The following PRICKLE1 variants were observed in gnomAD, a reference collection of about 807,000 sequenced individuals.
The protein encoded by PRICKLE1 is prickle planar cell polarity protein 1, also known as prickle-like protein 1.
In PRICKLE1, 14 loss-of-function variants were observed where a neutral mutation model predicts 70.2. The observed-to-expected ratio is 0.20, with a 90% CI of 0.13 to 0.31. PRICKLE1 has a LOEUF of 0.31. PRICKLE1 is among the 10% of genes least tolerant of loss of function. The pLI is 1.00. For synonymous variants in PRICKLE1, 357 were observed against 379.9 expected, an observed-to-expected ratio of 0.94 and a Z score of 0.70; for missense variants, 821 against 1,026.2, an observed-to-expected ratio of 0.80 and a Z score of 2.73.
intron 1 of PRICKLE1, among the ~76,000 whole-genome samples, chr12:42,561,128 A>G (rs1195405198): frequency 1.3e-5 from 2 of 152,192 alleles, no homozygotes; most frequent in African/African-American, 4.8e-5. Flanking sequence ...ACACCCTTCA[A>G]ATGTCTACCA....
chr12:42,460,382 C>T lies in PRICKLE1; in HGVS notation c.1923G>A (p.Gly641=). The stretch of plus-strand genomic sequence containing the variant: ...GCTGCCGGATTTCAATGTCATAGTT[C>T]CCATTGTCAATGACATCATCAGAAA... ...VKFSDDVIDN[G]NYDIEIRQPP... The change falls in exon 8 of 8, where the codon GGG becomes GGA. Residue 641 remains glycine (G), a synonymous_variant. Coordinates refer to ENST00000345127, the MANE Select transcript of PRICKLE1 (RefSeq NM_153026.3). 6.2e-7 allele frequency: 1 copy of T among 1,614,040 alleles called. No individual in the cohort carries two copies. The highest frequency in any genetic ancestry group is 8.5e-7 in the Non-Finnish European group (1 of 1,179,966).
intron 1 of PRICKLE1, among the ~76,000 whole-genome samples, chr12:42,493,250 T>A (rs1939136188): frequency 6.6e-6 from 1 of 152,166 alleles, no homozygotes; most frequent in Non-Finnish European, 1.5e-5. Flanking sequence ...AAAGGATAAA[T>A]GCTTGAGGTG....
chr12:42,514,934 T>TATC (rs1334140831), intron 1 of PRICKLE1, among the ~76,000 whole-genome samples: 40 of 145,106 alleles, frequency 2.8e-4, no homozygotes, highest in Middle Eastern at 3.5e-3. Flanking sequence ...TCTATCTATC[T>TATC]ATCTATATTT....
Position 42,461,830 on chromosome 12 carries a change from G to C in PRICKLE1, c.1640-1165C>G, listed in dbSNP as rs546999382. ...TTATTTTTTTTTGAGATGGAGTCTC[G>C]CTCTGTCGCCCAGGCTGGAGTGCAG... On this transcript the variant is annotated intron_variant, in intron 7 of 7. Coordinates refer to ENST00000345127, the MANE Select transcript of PRICKLE1 (RefSeq NM_153026.3). Among the ~76,000 whole-genome samples, 28 of 152,124 alleles carry C rather than the reference G, an allele frequency of 1.8e-4. No individual in the cohort carries two copies. In the South Asian group the frequency reaches 2.1e-3, roughly 11 times the overall value.
At position 42,477,390 on chromosome 12, in the gene PRICKLE1, A is replaced by T. The variant is rs199775842; in HGVS notation, c.-48-4826T>A. On this transcript the variant is annotated intron_variant, in intron 1 of 7. Transcript: ENST00000345127. ...TCTGTCTCAAAACAAAACAAAACAAAATATATATATATACACATATTATAT... is the reference window on the plus strand; with the variant it reads ...TCTGTCTCAAAACAAAACAAAACAATATATATATATATACACATATTATAT... Among the ~76,000 whole-genome samples the T allele has an allele frequency of 2.1e-5, 3 of 145,266 alleles. No individual in the cohort carries two copies. The Admixed American group carries it at 2.1e-4, about 10-fold the overall frequency.
chr12:42,490,103 A>G (rs1212341147), intron 1 of PRICKLE1: 2 of 152,246 alleles, frequency 1.3e-5, no homozygotes, highest in Non-Finnish European at 2.9e-5. Flanking sequence ...AGAACTACAG[A>G]ACAAACCATG....
At chr12:42,527,117 T>TC in intron 1 of PRICKLE1, among the ~76,000 whole-genome samples, 1 of 138,212 alleles carries the variant, frequency 7.2e-6, no homozygotes, top group Non-Finnish European at 1.5e-5. Flanking sequence ...TGCTTTCTTT[T>TC]TTTTTTTCCT....
At chr12:42,478,135 A>T (rs1237127641) in intron 1 of PRICKLE1, among the ~76,000 whole-genome samples, 8 of 152,028 alleles carry the variant, frequency 5.3e-5, no homozygotes, top group Non-Finnish European at 1.0e-4. Context: ...TCTCATATGT[A>T]TACACACTTC....
At chr12:42,518,211 T>C (rs1437468766) in intron 1 of PRICKLE1, among the ~76,000 whole-genome samples, 4 of 149,582 alleles carry the variant, frequency 2.7e-5, no homozygotes, top group Non-Finnish European at 6.0e-5. Flanking sequence ...CCCCAGCTGA[T>C]TTTTAAAATT....
chr12:42,473,204 A>C (rs2140127183), intron 1 of PRICKLE1, among the ~76,000 whole-genome samples: 1 of 152,382 alleles, frequency 6.6e-6, no homozygotes, highest in Middle Eastern at 3.4e-3. Flanking sequence ...CTAAGGGCTA[A>C]AGTCAGTCAG....
At chr12:42,506,948 G>A (rs551357620) in intron 1 of PRICKLE1, among the ~76,000 whole-genome samples, 1 of 152,238 alleles carries the variant, frequency 6.6e-6, no homozygotes, top group Non-Finnish European at 1.5e-5. Flanking sequence ...TAAAATGTTT[G>A]TAGGAGGGGT....
chr12:42,517,547 C>T (rs1251457858), intron 1 of PRICKLE1, among the ~76,000 whole-genome samples: 1 of 152,008 alleles, frequency 6.6e-6, no homozygotes, highest in Admixed American at 6.6e-5. Flanking sequence ...CTCCTGACCT[C>T]GTGATCCGCC....
At chr12:42,531,102 A>C (rs1939909550) in intron 1 of PRICKLE1, among the ~76,000 whole-genome samples, 2 of 106,308 alleles carry the variant, frequency 1.9e-5, no homozygotes, top group Non-Finnish European at 4.1e-5. Flanking sequence ...GCTGGAGTAC[A>C]GTGGCACGAT....
At chr12:42,581,542 C>T (rs1339795348) in intron 1 of PRICKLE1, among the ~76,000 whole-genome samples, 1 of 151,956 alleles carries the variant, frequency 6.6e-6, no homozygotes, top group Non-Finnish European at 1.5e-5. Context: ...GTCAGGAGTT[C>T]AAGACCAGCC....
chr12:42,543,937 AAGCT>A (rs1441738599), intron 1 of PRICKLE1, among the ~76,000 whole-genome samples: 2 of 152,266 alleles, frequency 1.3e-5, no homozygotes, highest in African/African-American at 4.8e-5. Flanking sequence ...ACAATAAAGT[AAGCT>A]AGAGAAAAAA....
intron 1 of PRICKLE1, among the ~76,000 whole-genome samples, chr12:42,525,229 G>A (rs1187245795): frequency 6.6e-6 from 1 of 152,264 alleles, no homozygotes; most frequent in East Asian, 1.9e-4. Context: ...CTGAAGGGCA[G>A]TAGAGCATCG....
At chr12:42,522,187 G>T (rs1939722714) in intron 1 of PRICKLE1, among the ~76,000 whole-genome samples, 1 of 151,992 alleles carries the variant, frequency 6.6e-6, no homozygotes, top group Non-Finnish European at 1.5e-5. Flanking sequence ...TGTTGGCCAG[G>T]CTGGTCTCGA....
chr12:42,579,786 C>T (rs1049787611), intron 1 of PRICKLE1, among the ~76,000 whole-genome samples: 4 of 152,052 alleles, frequency 2.6e-5, no homozygotes, highest in Non-Finnish European at 5.9e-5. Flanking sequence ...TAAAACCTCC[C>T]CCAAAATGGC....
At chr12:42,549,779 G>C (rs1253879149) in intron 1 of PRICKLE1, among the ~76,000 whole-genome samples, 1 of 152,152 alleles carries the variant, frequency 6.6e-6, no homozygotes, top group African/African-American at 2.4e-5. Context: ...AAGCTCCAAA[G>C]GGCATCATTA....
Sources: allele counts gnomAD v4.1 joint callset (sites outside exome capture counted in the v4.1 genomes callset), GRCh38; gene constraint gnomAD v4.1.1; transcripts MANE v1.5; gene names NCBI Gene and HGNC (gene_info 2026-07-23, HGNC 2026-07-21).